FLYWCH2: variants seen among roughly 807,000 people sequenced by gnomAD.
FLYWCH2 encodes FLYWCH family member 2.
Under a neutral mutation model 6.0 loss-of-function variants are expected in FLYWCH2, and 2 were observed. The observed-to-expected ratio is 0.33, with a 90% CI of 0.14 to 1.04. The LOEUF is 1.04. FLYWCH2 is among the 50% of genes least tolerant of loss of function. FLYWCH2 has a pLI of 0.45. For synonymous variants in FLYWCH2, 87 were observed against 79.3 expected (o/e 1.10, Z -0.52); for missense variants, 192 against 183.4 (o/e 1.05, Z -0.27).
chr16:2,898,770 C>T (rs1022681442), intron 3 of FLYWCH2: 1 of 330,620 alleles, frequency 3.0e-6, no homozygotes, highest in East Asian at 5.2e-5. Flanking sequence ...TCCATCCCCA[C>T]CCCAGGTCCA....
chr16:2,884,886 C>CAA (rs151316276), intron 1 of FLYWCH2, among the ~76,000 whole-genome samples: 74 of 146,826 alleles, frequency 5.0e-4, no homozygotes, highest in Non-Finnish European at 9.8e-4. Context: ...AAAACAAAAA[C>CAA]AAAAAAAAAA....
At chr16:2,883,195 G>C (rs2069658689), upstream of FLYWCH2, 1 of 152,298 alleles carries the variant, frequency 6.6e-6, no homozygotes, top group Non-Finnish European at 1.5e-5. Flanking sequence ...CGGGCAAGAC[G>C]CGGAGGAGCG....
At chr16:2,896,851 G>C in intron 3 of FLYWCH2, 80 bp downstream of exon 3, 2 of 1,320,304 alleles carry the variant, frequency 1.5e-6, no homozygotes, top group African/African-American at 1.5e-5. Flanking sequence ...TCCATCAGGC[G>C]CTTCTCCCTG....
chr16:2,888,740 C>G (rs916500203), intron 1 of FLYWCH2, among the ~76,000 whole-genome samples: 5 of 152,060 alleles, frequency 3.3e-5, no homozygotes, highest in Admixed American at 2.6e-4. Flanking sequence ...CCAGGACTGG[C>G]TTCTTCTTGG....
chr16:2,887,341 A>G (rs1434079426), intron 1 of FLYWCH2, among the ~76,000 whole-genome samples: 2 of 73,840 alleles, frequency 2.7e-5, no homozygotes, highest in East Asian at 4.3e-4. Context: ...TTGTATTTTT[A>G]GTAGAGATGA....
chr16:2,887,331 T>C (rs2069710036), intron 1 of FLYWCH2, among the ~76,000 whole-genome samples: 2 of 138,350 alleles, frequency 1.4e-5, no homozygotes, highest in South Asian at 4.4e-4. Flanking sequence ...TTTTTTTTTT[T>C]TGTATTTTTA....
chr16:2,891,413 A>AT (rs927183620), intron 1 of FLYWCH2, among the ~76,000 whole-genome samples: 27 of 150,632 alleles, frequency 1.8e-4, no homozygotes, highest in East Asian at 5.9e-4. Context: ...TATTTTATTT[A>AT]TTTTTTTTTG....
In FLYWCH2 at chr16:2,899,243, C is replaced by A; in HGVS notation, c.*94C>A. On this transcript the variant is annotated 3_prime_UTR_variant, in exon 4 of 4. Transcript: ENST00000396958. ...CTGGGGCCAAATGGGTGAATCTTTG[C>A]TTTTAACATTGTGTGATTTCTTTTC... is the stretch of plus-strand genomic sequence containing the variant. 1.6e-6 allele frequency: 1 copy of A among 627,208 alleles called. No individual in the cohort carries two copies. Among genetic ancestry groups the A allele is most frequent in the Non-Finnish European group, 2.6e-6 (1 of 390,958 alleles). 38.9% of individuals were successfully genotyped at this position (627,208 alleles called of 1,614,324 possible). A position where few individuals can be genotyped will look rare whatever the true frequency, so the allele number is the denominator to read the frequency against.
rs557821707 is a variant in FLYWCH2, at chr16:2,899,135, G to C, written c.409G>C (p.Gly137Arg). The stretch of plus-strand genomic sequence containing the variant: ...CTTTGCCCCCTGCTCTGTGGCGCCC[G>C]GCAAGTCCCTGTAACCTTGACAACA... ...ENFAPCSVAP[G>R]KSL The change falls in exon 4 of 4, where the codon GGC becomes CGC. Residue 137 changes from glycine to arginine, a missense_variant. Gly to Arg is a moderately radical substitution (Grantham distance 125). Transcript: ENST00000396958. 2 of 1,612,888 alleles carry C rather than the reference G, an allele frequency of 1.2e-6. No homozygotes were observed. Among genetic ancestry groups the C allele is most frequent in the Admixed American group, 3.3e-5 (2 of 59,838 alleles).
Position 2,896,578 on chromosome 16 carries a change from C to T in FLYWCH2, c.129C>T (p.Val43=), listed in dbSNP as rs764089310. 3.7e-6 allele frequency: 6 copies of T among 1,614,062 alleles called. No individual in the cohort carries two copies. The African/African-American group carries it at 6.7e-5, about 18-fold the overall frequency. Residue 43 remains valine, a synonymous_variant, in exon 3 of 4, where the codon GTC becomes GTT. Coordinates refer to ENST00000396958, the MANE Select transcript of FLYWCH2 (RefSeq NM_138439.3). The part of the protein sequence containing the change: ...PRKPRKFSKL[V]LLTASKDSTK... ...AGCCCAGAAAGTTCTCCAAACTGGT[C>T]CTGCTCACAGCCTCCAAAGACAGCA... is the stretch of plus-strand genomic sequence containing the variant.
At chr16:2,892,557 T>C (rs1490542327) in intron 1 of FLYWCH2, among the ~76,000 whole-genome samples, 1 of 147,016 alleles carries the variant, frequency 6.8e-6, no homozygotes, top group Non-Finnish European at 1.5e-5. Context: ...GATGAAAATA[T>C]AAATGCAGTC....
At chr16:2,894,821 G>A (rs991987776) in intron 1 of FLYWCH2, among the ~76,000 whole-genome samples, 4 of 152,166 alleles carry the variant, frequency 2.6e-5, no homozygotes, top group Non-Finnish European at 4.4e-5. Context: ...GCATCCTTAG[G>A]CCCCTCTCAT....
chr16:2,890,051 A>G (rs1170653451), intron 1 of FLYWCH2, among the ~76,000 whole-genome samples: 1 of 151,666 alleles, frequency 6.6e-6, no homozygotes, highest in African/African-American at 2.4e-5. Flanking sequence ...GTATCACTGC[A>G]CTCCAAGCAA....
intron 3 of FLYWCH2, chr16:2,898,835 T>G (rs964915677): frequency 8.8e-6 from 4 of 452,754 alleles, no homozygotes; most frequent in South Asian, 3.9e-5. Context: ...GCCTCAAGTT[T>G]CCTGGAAATG....
intron 1 of FLYWCH2, among the ~76,000 whole-genome samples, chr16:2,886,598 C>T (rs371571403): frequency 4.2e-4 from 60 of 141,540 alleles, no homozygotes; most frequent in African/African-American, 1.4e-3. Flanking sequence ...CTCAGCTTAC[C>T]GCAACCTCCG....
intron 1 of FLYWCH2, among the ~76,000 whole-genome samples, chr16:2,884,592 G>C (rs1381419535): frequency 3.0e-5 from 2 of 67,290 alleles, no homozygotes; most frequent in Non-Finnish European, 6.8e-5. Context: ...AAAATTAGTC[G>C]GGGCCGGCGC....
intron 1 of FLYWCH2, among the ~76,000 whole-genome samples, chr16:2,890,963 G>A (rs896227263): frequency 1.3e-5 from 2 of 152,198 alleles, no homozygotes; most frequent in African/African-American, 2.4e-5. Flanking sequence ...CGCACATACT[G>A]TTTAGAATTC....
At chr16:2,888,024 TAAGAGGTGGAGTCTCGCTC>T (rs1376182373) in intron 1 of FLYWCH2, among the ~76,000 whole-genome samples, 14 of 151,910 alleles carry the variant, frequency 9.2e-5, no homozygotes, top group Non-Finnish European at 1.9e-4. Flanking sequence ...GTTTGTTTTT[TAAGAGGTGGAGTCTCGCTC>T]TGTTGCCCAG....
intron 1 of FLYWCH2, among the ~76,000 whole-genome samples, chr16:2,885,361 C>T (rs2069687632): frequency 6.6e-6 from 1 of 152,050 alleles, no homozygotes; most frequent in South Asian, 2.1e-4. Context: ...AGTTCAGTGG[C>T]TTTAGTGTGA....
Sources: allele counts gnomAD v4.1 joint callset (sites outside exome capture counted in the v4.1 genomes callset), GRCh38; gene constraint gnomAD v4.1.1; transcripts MANE v1.5; gene names NCBI Gene and HGNC (gene_info 2026-07-23, HGNC 2026-07-21).